ACTR3: variants seen among roughly 807,000 people sequenced by gnomAD.
ACTR3 encodes the protein actin related protein 3.
In ACTR3, 12 loss-of-function variants were observed where a neutral mutation model predicts 56.8. The observed-to-expected ratio is 0.21, with a 90% CI of 0.14 to 0.34. The LOEUF (loss-of-function observed/expected upper bound fraction) is 0.34, where lower values mean the gene tolerates loss of function less well. Among genes scored for constraint, ACTR3 ranks in the 10% least tolerant of loss-of-function variants. The pLI is 1.00. For synonymous variants in ACTR3, 162 were observed against 167.4 expected, an observed-to-expected ratio of 0.97 and a Z score of 0.25; for missense variants, 282 against 512.5, an observed-to-expected ratio of 0.55 and a Z score of 4.34.
chr2:113,905,493 G>C (rs1679176322), intron 1 of ACTR3, among the ~76,000 whole-genome samples: 1 of 151,480 alleles, frequency 6.6e-6, no homozygotes, highest in South Asian at 2.1e-4. Flanking sequence ...TTTTTTTGTG[G>C]TATAATACTC....
intron 3 of ACTR3, among the ~76,000 whole-genome samples, chr2:113,922,680 C>T (rs1379271696): frequency 1.3e-5 from 2 of 152,182 alleles, no homozygotes; most frequent in African/African-American, 4.8e-5. Flanking sequence ...GTATAATCAG[C>T]ATTCTGGATA....
intron 4 of ACTR3, among the ~76,000 whole-genome samples, chr2:113,927,766 G>A (rs1679647148): frequency 6.6e-6 from 1 of 152,002 alleles, no homozygotes; most frequent in Admixed American, 6.5e-5. Flanking sequence ...AAAAACAATA[G>A]TCTGATTATT....
chr2:113,925,595 G>A (rs2104604242), intron 3 of ACTR3, among the ~76,000 whole-genome samples: 1 of 152,152 alleles, frequency 6.6e-6, no homozygotes, highest in East Asian at 1.9e-4. Context: ...TGTGTCCTTA[G>A]CATTTGTGCC....
rs564106892 is a variant in ACTR3, at chr2:113,927,979, A to T, written c.336+524A>T. 6.6e-5 allele frequency among the ~76,000 whole-genome samples: 10 copies of T among 152,268 alleles called. No homozygotes were observed. The South Asian group carries it at 8.3e-4, about 13-fold the overall frequency. On this transcript the variant is annotated intron_variant, in intron 4 of 11. Coordinates refer to ENST00000263238, the MANE Select transcript of ACTR3 (RefSeq NM_005721.5). ...GGAGGCAAACATTTTCAATTTTAAC[A>T]AAGTTTGCCCTGCTAGTAATCTTTT...
intron 1 of ACTR3, chr2:113,904,304 A>G (rs962716586): frequency 1.3e-5 from 2 of 151,856 alleles, no homozygotes; most frequent in Non-Finnish European, 2.9e-5. Flanking sequence ...TTCCTTTATT[A>G]TCAATTACAG....
At chr2:113,902,986 C>CT (rs912619517) in intron 1 of ACTR3, among the ~76,000 whole-genome samples, 4 of 152,158 alleles carry the variant, frequency 2.6e-5, no homozygotes, top group Non-Finnish European at 5.9e-5. Context: ...ACATAGTTAC[C>CT]TTTTTTGTGT....
At chr2:113,951,665 T>C in intron 9 of ACTR3, 55 bp from the exon 10 acceptor site, 2 of 1,477,972 alleles carry the variant, frequency 1.4e-6, no homozygotes, top group Non-Finnish European at 1.8e-6. Context: ...GTACTATATA[T>C]TATATCTTTA....
rs149577663 is a variant in ACTR3 at position 113,947,268 on chromosome 2, C to T, written c.859-4211C>T. On this transcript the variant is annotated intron_variant, in intron 8 of 11. Transcript: ENST00000263238. ...CTGCATGAATAGGATCATGACCACA[C>T]GATGGATAATAGCATGGGATATAGG... Among the ~76,000 whole-genome samples, 24 of 152,266 alleles carry T rather than the reference C, an allele frequency of 1.6e-4. No homozygotes were observed. In the East Asian group the frequency reaches 2.3e-3, roughly 15 times the overall value.
chr2:113,951,744 A>G lies in ACTR3; in HGVS notation c.976A>G (p.Thr326Ala), dbSNP rs111973011. Residue 326 changes from threonine (T) to alanine (A), a missense_variant, in exon 10 of 12, where the codon ACC becomes GCC. Transcript: ENST00000263238. The part of the protein sequence containing the change: ...YKNIVLSGGS[T>A]MFRDFGRRLQ... ...GAATATTGTCCTCTCTGGAGGTTCA[A>G]CCATGTTCAGGGACTTTGGACGTCG... is the stretch of plus-strand genomic sequence containing the variant. 3.1e-6 allele frequency: 5 copies of G among 1,612,634 alleles called. No homozygotes were observed. The highest frequency in any genetic ancestry group is 1.3e-5 in the African/African-American group (1 of 74,880).
At position 113,960,124 on chromosome 2, in the gene ACTR3, A is replaced by G. The variant is rs181115200; in HGVS notation, c.*2669A>G. 7.9e-5 allele frequency: 12 copies of G among 152,144 alleles called. No homozygotes were observed. Among genetic ancestry groups the G allele is most frequent in the African/African-American group, 2.6e-4 (11 of 41,558 alleles). The allele number at this position is 152,144 out of a possible 1,614,324, so 9.4% of individuals were successfully genotyped here. On this transcript the variant is annotated 3_prime_UTR_variant, in exon 12 of 12. Transcript: ENST00000263238. ...TGGTAGTAAAGGTATTATCTGATTT[A>G]TCCTTTTTAATAGGCAGTGCTTTGA... is the stretch of plus-strand genomic sequence containing the variant.
intron 4 of ACTR3, among the ~76,000 whole-genome samples, chr2:113,927,787 T>G (rs1467475343): frequency 6.6e-6 from 1 of 152,216 alleles, no homozygotes; most frequent in Non-Finnish European, 1.5e-5. Context: ...ATATCATTGG[T>G]ATTTCTTCAT....
At chr2:113,924,175 T>G (rs1292712127) in intron 3 of ACTR3, among the ~76,000 whole-genome samples, 1 of 151,882 alleles carries the variant, frequency 6.6e-6, no homozygotes, top group Non-Finnish European at 1.5e-5. Context: ...GCTCAAGTGA[T>G]TCTTCCACCT....
At position 113,962,073 on chromosome 2, in the gene ACTR3, A is replaced by G. The variant is rs1680335078; in HGVS notation, c.*4618A>G. ...AAATTATTTTTCATGTTAAAATAAAACTTTGAATTACATGAGTATACAACT... is the reference window on the plus strand; with the variant it reads ...AAATTATTTTTCATGTTAAAATAAAGCTTTGAATTACATGAGTATACAACT... On this transcript the variant is annotated 3_prime_UTR_variant, in exon 12 of 12. Coordinates refer to ENST00000263238, the MANE Select transcript of ACTR3 (RefSeq NM_005721.5). 1.3e-5 allele frequency: 2 copies of G among 152,000 alleles called. No individual in the cohort carries two copies. Among genetic ancestry groups the G allele is most frequent in the South Asian group, 4.1e-4 (2 of 4,828 alleles). 9.4% of individuals were successfully genotyped at this position (152,000 alleles called of 1,614,324 possible).
intron 7 of ACTR3, among the ~76,000 whole-genome samples, chr2:113,941,537 G>A (rs994031372): frequency 1.3e-5 from 2 of 152,022 alleles, no homozygotes; most frequent in East Asian, 3.9e-4. Context: ...AAAAATACTG[G>A]AAAAGGAAGT....
intron 1 of ACTR3, among the ~76,000 whole-genome samples, chr2:113,892,639 A>G (rs538662172): frequency 3.7e-4 from 57 of 152,296 alleles, no homozygotes; most frequent in African/African-American, 1.3e-3. Flanking sequence ...GAGCTTTTAC[A>G]TTTCAAAATT....
In ACTR3 at chr2:113,960,653, G is replaced by A. The variant is rs918866666; in HGVS notation, c.*3198G>A. 4.6e-5 allele frequency: 7 copies of A among 152,036 alleles called. No homozygotes were observed. Among genetic ancestry groups the A allele is most frequent in the East Asian group, 1.9e-4 (1 of 5,174 alleles). 9.4% of individuals were successfully genotyped at this position (152,036 alleles called of 1,614,324 possible). A position where few individuals can be genotyped will look rare whatever the true frequency, so the allele number is the denominator to read the frequency against. Reference sequence around the variant, plus strand: ...TCTGGGCTAATCTGTCAATACTGAAGTCCAGTCTTTTCCCCCTTTTCTTAC... The same window carrying A: ...TCTGGGCTAATCTGTCAATACTGAAATCCAGTCTTTTCCCCCTTTTCTTAC... On this transcript the variant is annotated 3_prime_UTR_variant, in exon 12 of 12. Transcript: ENST00000263238.
chr2:113,907,851 A>G (rs1176029962), intron 1 of ACTR3, among the ~76,000 whole-genome samples: 1 of 151,720 alleles, frequency 6.6e-6, no homozygotes. Context: ...GCATGCCTGT[A>G]ATCCCAGCTA....
intron 11 of ACTR3, among the ~76,000 whole-genome samples, chr2:113,956,738 T>A (rs886718315): frequency 1.3e-5 from 2 of 152,218 alleles, no homozygotes; most frequent in African/African-American, 4.8e-5. Flanking sequence ...TTTATCTGAA[T>A]TATTGAATAA....
intron 1 of ACTR3, 191 bp downstream of exon 1, chr2:113,890,514 A>C: frequency 2.2e-6 from 3 of 1,342,100 alleles, no homozygotes; most frequent in South Asian, 1.6e-5. Flanking sequence ...CCCTCCTGGG[A>C]CTGGGGCGGG....
Sources: gnomAD v4.1 joint callset for allele counts (sites outside exome capture counted in the v4.1 genomes callset) on GRCh38, gnomAD v4.1.1 for gene constraint, MANE v1.5 for transcripts, NCBI Gene and HGNC (gene_info 2026-07-23, HGNC 2026-07-21) for gene names.